The following MEGF6 variants were observed in gnomAD, a reference collection of about 807,000 sequenced individuals.
MEGF6 encodes the protein multiple EGF like domains 6.
Under a neutral mutation model 207.1 loss-of-function variants are expected in MEGF6, and 184 were observed. The observed-to-expected ratio is 0.89, with a 90% CI of 0.79 to 1.00. The LOEUF is 1.00. Ranked by LOEUF, MEGF6 falls within the 50% of genes least tolerant of loss-of-function variation. The pLI, the probability that MEGF6 is intolerant of heterozygous loss-of-function variation, is 0.00. For synonymous variants in MEGF6, 1,038 were observed against 910.0 expected, an observed-to-expected ratio of 1.14 and a Z score of -2.53; for missense variants, 2,282 against 2,202.9, an observed-to-expected ratio of 1.04 and a Z score of -0.72.
chr1:3,590,918 C>T (rs1643966523), intron 3 of MEGF6, among the ~76,000 whole-genome samples: 1 of 152,226 alleles, frequency 6.6e-6, no homozygotes, highest in Non-Finnish European at 1.5e-5. Flanking sequence ...CCACCATCAT[C>T]CTCCAGCTCA....
chr1:3,514,817 C>G (rs1641481529), intron 6 of MEGF6, 145 bp from the exon 7 acceptor site: 11 of 989,728 alleles, frequency 1.1e-5, no homozygotes, highest in Non-Finnish European at 1.6e-5. Context: ...AGCGGGTCTC[C>G]CTCCTCCCAG....
At chr1:3,532,734 C>T (rs1642216383) in intron 4 of MEGF6, among the ~76,000 whole-genome samples, 2 of 152,222 alleles carry the variant, frequency 1.3e-5, no homozygotes, top group South Asian at 2.1e-4. Context: ...AGGGTGCATG[C>T]TCCCTGGGCC....
At chr1:3,568,525 G>A (rs1405462882) in intron 4 of MEGF6, among the ~76,000 whole-genome samples, 3 of 152,042 alleles carry the variant, frequency 2.0e-5, no homozygotes, top group Non-Finnish European at 4.4e-5. Flanking sequence ...CTTCAGGATG[G>A]GGGCCCATCA....
In MEGF6 at chr1:3,490,350, G is replaced by A; in HGVS notation, c.*178C>T. ...GGCCATGCGAGGCTTCCCTCCTCAA[G>A]GCCACACCAGCCTCCAAGAGCGACA... On this transcript the variant is annotated 3_prime_UTR_variant, in exon 37 of 37. Transcript: ENST00000356575. The A allele has an allele frequency of 1.5e-6, 1 of 687,174 alleles. No individual in the cohort carries two copies. Among genetic ancestry groups the A allele is most frequent in the South Asian group, 1.9e-5 (1 of 53,018 alleles). 42.6% of individuals were successfully genotyped at this position (687,174 alleles called of 1,614,324 possible). A position where few individuals can be genotyped will look rare whatever the true frequency, so the allele number is the denominator to read the frequency against.
At chr1:3,538,702 G>A (rs1642408538) in intron 4 of MEGF6, among the ~76,000 whole-genome samples, 1 of 54,274 alleles carries the variant, frequency 1.8e-5, no homozygotes, top group African/African-American at 4.5e-5. Context: ...GTGCCTGTGT[G>A]TGTGTGTGTG....
chr1:3,542,081 T>TC (rs1275841819), intron 4 of MEGF6, among the ~76,000 whole-genome samples: 1 of 151,208 alleles, frequency 6.6e-6, no homozygotes, highest in African/African-American at 2.4e-5. Flanking sequence ...CCTGGCCGCC[T>TC]CCCCCAACCC....
At chr1:3,519,752 C>A (rs945670205) in intron 5 of MEGF6, among the ~76,000 whole-genome samples, 31 of 152,364 alleles carry the variant, frequency 2.0e-4, no homozygotes, top group Admixed American at 1.7e-3. Flanking sequence ...CCAGCAGCCT[C>A]CCCTCCCGGG....
intron 4 of MEGF6, among the ~76,000 whole-genome samples, chr1:3,527,995 G>C (rs930642658): frequency 2.6e-5 from 4 of 152,250 alleles, no homozygotes; most frequent in Admixed American, 6.5e-5. Flanking sequence ...TCTGGCAGTG[G>C]CAGGGGGCTG....
chr1:3,590,692 G>C (rs939377620), intron 3 of MEGF6, among the ~76,000 whole-genome samples: 8 of 152,192 alleles, frequency 5.3e-5, no homozygotes, highest in Admixed American at 1.3e-4. Context: ...GCTGGGGGCT[G>C]GGGGGCATCA....
intron 35 of MEGF6, among the ~76,000 whole-genome samples, chr1:3,491,755 G>C (rs78909915): frequency 0.057 from 8,574 of 149,422 alleles, 456 homozygotes; most frequent in African/African-American, 0.13. Context: ...AACACCGCTG[G>C]GGGGTACACG....
chr1:3,490,261 G>C lies in MEGF6; in HGVS notation c.*267C>G. 1.9e-6 allele frequency: 1 copy of C among 529,050 alleles called. No individual in the cohort carries two copies. The highest frequency in any genetic ancestry group is 3.3e-6 in the Non-Finnish European group (1 of 301,746). 32.8% of individuals were successfully genotyped at this position (529,050 alleles called of 1,614,324 possible). On this transcript the variant is annotated 3_prime_UTR_variant, in exon 37 of 37. Transcript: ENST00000356575. ...CCGCGGGGAGAGCGGGACTTCCTCAGCCCAGGCCCAGAGCGTGCCCCTGGG... is the reference window on the plus strand; with the variant it reads ...CCGCGGGGAGAGCGGGACTTCCTCACCCCAGGCCCAGAGCGTGCCCCTGGG...
At position 3,497,217 on chromosome 1, in the gene MEGF6, G is replaced by C; in HGVS notation, c.3481+16C>G. 1 of 1,530,470 alleles carries C rather than the reference G, an allele frequency of 6.5e-7. No individual in the cohort carries two copies. Among genetic ancestry groups the C allele is most frequent in the Non-Finnish European group, 8.8e-7 (1 of 1,138,834 alleles). The allele number at this position is 1,530,470 out of a possible 1,614,324, so 94.8% of individuals were successfully genotyped here. ...TGCCCAGCCGCTCCTCGGGGTGGGG[G>C]CTTGGGAGCACCTACCCTGCTCGCA... On this transcript the variant is annotated intron_variant, in intron 27 of 36. Coordinates refer to ENST00000356575, the MANE Select transcript of MEGF6 (RefSeq NM_001409.4).
Position 3,494,621 on chromosome 1 carries a change from C to G in MEGF6, c.3992G>C (p.Cys1331Ser). The G allele has an allele frequency of 6.4e-7, 1 of 1,562,602 alleles. No homozygotes were observed. The highest frequency in any genetic ancestry group is 8.7e-7 in the Non-Finnish European group (1 of 1,155,776). The change falls in exon 31 of 37, where the codon TGC (cysteine) becomes TCC (serine). Residue 1331 changes from cysteine (C) to serine (S), a missense_variant. Cys to Ser is a moderately radical substitution (Grantham distance 112). Transcript: ENST00000356575. Reference protein sequence around the residue: ...SCGLGWTGRHCELACPPGRYG... With the variant: ...SCGLGWTGRHSELACPPGRYG... Reference sequence around the variant, plus strand: ...TGGCCCCGCACACTCACCCAGCTCGCAGTGCCGCCCCGTCCAGCCCAGGCC... The same window carrying G: ...TGGCCCCGCACACTCACCCAGCTCGGAGTGCCGCCCCGTCCAGCCCAGGCC...
chr1:3,559,696 C>T (rs1027922916), intron 4 of MEGF6, among the ~76,000 whole-genome samples: 1 of 152,036 alleles, frequency 6.6e-6, no homozygotes, highest in Non-Finnish European at 1.5e-5. Flanking sequence ...TGGACATGCA[C>T]CAAGCAAGAA....
In MEGF6 at chr1:3,501,077, A is replaced by G; in HGVS notation, c.2464T>C (p.Tyr822His). 6.2e-7 allele frequency: 1 copy of G among 1,612,716 alleles called. No individual in the cohort carries two copies. ...CACCTTGTCTGGCAGCTGGGACCAT[A>G]CCAGCCTGCTGGGCACACTACAGGC... Reference protein sequence around the residue: ...RCQDVCPAGWYGPSCQTRCSC... With the variant: ...RCQDVCPAGWHGPSCQTRCSC... The change falls in exon 20 of 37, where the codon TAT becomes CAT. Residue 822 changes from tyrosine (Y) to histidine (H), a missense_variant. Transcript: ENST00000356575.
intron 4 of MEGF6, among the ~76,000 whole-genome samples, chr1:3,561,729 G>A (rs1643208229): frequency 6.6e-6 from 1 of 152,218 alleles, no homozygotes; most frequent in Non-Finnish European, 1.5e-5. Flanking sequence ...CACGGGGTGG[G>A]GTGGCGGGGC....
In MEGF6 at chr1:3,514,682, C is replaced by G; in HGVS notation, c.731-10G>C. 6.4e-7 allele frequency: 1 copy of G among 1,565,558 alleles called. No homozygotes were observed. Among genetic ancestry groups the G allele is most frequent in the African/African-American group, 1.3e-5 (1 of 74,372 alleles). ...GCACACGGGCTTCTACCTGCAGCCA[C>G]GGGCCCGAGGAGGGGGTTGGGGAGA... On this transcript the variant is annotated splice_polypyrimidine_tract_variant and intron_variant, in intron 6 of 36. Transcript: ENST00000356575.
chr1:3,541,079 C>T (rs765242979), intron 4 of MEGF6, among the ~76,000 whole-genome samples: 6 of 152,194 alleles, frequency 3.9e-5, no homozygotes, highest in Non-Finnish European at 7.4e-5. Flanking sequence ...CAGGCTGGGG[C>T]CCTGGACTTC....
chr1:3,524,176 G>A lies in MEGF6; in HGVS notation c.552C>T (p.Leu184=), dbSNP rs767455201. Residue 184 remains leucine, a synonymous_variant, in exon 5 of 37, where the codon CTC becomes CTT. Transcript: ENST00000356575. ...HRCVNTPGSY[L]CECKPGFRLH... The stretch of plus-strand genomic sequence containing the variant: ...GCCGGAAGCCGGGCTTGCACTCACA[G>A]AGGTAGGAGCCTGGGGTGTTCACGC... 2.5e-6 allele frequency: 4 copies of A among 1,612,878 alleles called. No individual in the cohort carries two copies. Among genetic ancestry groups the A allele is most frequent in the East Asian group, 2.2e-5 (1 of 44,886 alleles).
Sources: gnomAD v4.1 joint callset for allele counts (sites outside exome capture counted in the v4.1 genomes callset) on GRCh38, gnomAD v4.1.1 for gene constraint, MANE v1.5 for transcripts, NCBI Gene and HGNC (gene_info 2026-07-23, HGNC 2026-07-21) for gene names.